FNBP1L: variants seen among roughly 807,000 people sequenced by gnomAD.
FNBP1L encodes formin binding protein 1 like.
Under a neutral mutation model 91.2 loss-of-function variants are expected in FNBP1L, and 36 were observed. The observed-to-expected ratio is 0.39, with a 90% CI of 0.30 to 0.52. FNBP1L has a LOEUF of 0.52. Ranked by LOEUF, FNBP1L falls within the 20% of genes least tolerant of loss-of-function variation. The probability of loss-of-function intolerance (pLI) is 0.66; values close to 1 mark genes in which losing one functional copy is unlikely to be tolerated. For missense variants in FNBP1L, 571 were observed against 732.1 expected, an observed-to-expected ratio of 0.78 and a Z score of 2.54; for synonymous variants, 242 against 237.0, an observed-to-expected ratio of 1.02 and a Z score of -0.19.
At chr1:93,455,841 C>G (rs540356041) in intron 1 of FNBP1L, among the ~76,000 whole-genome samples, 2 of 152,360 alleles carry the variant, frequency 1.3e-5, no homozygotes, top group Non-Finnish European at 2.9e-5. Context: ...ATATTGTCAT[C>G]TGTGCCTTTC....
At position 93,476,589 on chromosome 1, in the gene FNBP1L, G is replaced by A. The variant is rs187457422; in HGVS notation, c.25-22879G>A. Among the ~76,000 whole-genome samples the A allele has an allele frequency of 1.2e-3, 178 of 152,252 alleles. 4 individuals are homozygous for A. Among genetic ancestry groups the A allele is most frequent in the African/African-American group, 4.0e-3 (167 of 41,558 alleles). ...GTAAGTAAGTAAAATTCTGTAAGAT[G>A]ATATCAGCATAAAAACATAACCCAC... On this transcript the variant is annotated intron_variant, in intron 1 of 16. Transcript: ENST00000271234.
chr1:93,501,649 G>A (rs1396158833), intron 2 of FNBP1L, among the ~76,000 whole-genome samples: 2 of 152,014 alleles, frequency 1.3e-5, no homozygotes, highest in African/African-American at 4.8e-5. Flanking sequence ...ATTTCAACAT[G>A]AGTTTTGGTT....
chr1:93,499,538 T>C lies in FNBP1L; in HGVS notation c.95T>C (p.Val32Ala). 6.2e-7 allele frequency: 1 copy of C among 1,604,560 alleles called. No individual in the cohort carries two copies. The part of the protein sequence containing the change: ...IDFLERYAKF[V>A]KERIEIEQNY... Reference sequence around the variant, plus strand: ...TTCTTGGAAAGATATGCCAAATTTGTTAAAGAGAGGATAGAAATTGAACAG... The same window carrying C: ...TTCTTGGAAAGATATGCCAAATTTGCTAAAGAGAGGATAGAAATTGAACAG... Residue 32 changes from valine (V) to alanine (A), a missense_variant, in exon 2 of 17, where the codon GTT (valine) becomes GCT (alanine). Val to Ala is a moderately conservative substitution (Grantham distance 64, BLOSUM62 0). Around this residue, in one of 5 missense-constraint regions of FNBP1L, gnomAD observed 220 missense variants for 313.6 expected, o/e 0.70. Transcript: ENST00000271234.
intron 16 of FNBP1L, chr1:93,551,338 A>G (rs1672408184): frequency 1.7e-6 from 2 of 1,189,312 alleles, no homozygotes; most frequent in Non-Finnish European, 1.0e-6. Flanking sequence ...GTGAAGCTTA[A>G]TTGATGCCTT....
intron 1 of FNBP1L, among the ~76,000 whole-genome samples, chr1:93,497,550 A>C (rs1670306585): frequency 1.3e-5 from 2 of 152,190 alleles, no homozygotes; most frequent in African/African-American, 4.8e-5. Context: ...TTTACCATTA[A>C]GTGTTCAACT....
intron 1 of FNBP1L, among the ~76,000 whole-genome samples, chr1:93,484,033 A>G (rs1041229644): frequency 6.6e-6 from 1 of 152,172 alleles, no homozygotes; most frequent in African/African-American, 2.4e-5. Context: ...GGTTCAAGCA[A>G]TTCTCCTGCC....
intron 7 of FNBP1L, 145 bp downstream of exon 7, chr1:93,531,028 AAAC>A (rs1390726370): frequency 4.5e-6 from 3 of 665,610 alleles, no homozygotes; most frequent in Non-Finnish European, 7.1e-6. Flanking sequence ...ATAGATTTGA[AAAC>A]AAGTGTTTTC....
chr1:93,532,128 G>T (rs369686173), intron 7 of FNBP1L, among the ~76,000 whole-genome samples: 1 of 152,178 alleles, frequency 6.6e-6, no homozygotes, highest in African/African-American at 2.4e-5. Context: ...TGGACTGTTG[G>T]TCCAGCCAAG....
intron 2 of FNBP1L, among the ~76,000 whole-genome samples, chr1:93,518,962 C>G (rs1671225858): frequency 6.6e-6 from 1 of 152,184 alleles, no homozygotes; most frequent in Admixed American, 6.5e-5. Flanking sequence ...TCCCCTTCTT[C>G]CTTTTTGAGT....
At chr1:93,451,204 A>T (rs1221213442) in intron 1 of FNBP1L, among the ~76,000 whole-genome samples, 1 of 152,250 alleles carries the variant, frequency 6.6e-6, no homozygotes, top group Admixed American at 6.5e-5. Flanking sequence ...GCAAGAATGG[A>T]TGGATCAGAT....
intron 6 of FNBP1L, 69 bp from the exon 7 acceptor site, chr1:93,530,686 T>C (rs192670366): frequency 9.8e-5 from 149 of 1,520,466 alleles, no homozygotes; most frequent in Non-Finnish European, 1.3e-4. Context: ...CTAGTTTTAG[T>C]ATAATTTTCA....
chr1:93,505,847 T>C (rs565264676), intron 2 of FNBP1L, among the ~76,000 whole-genome samples: 6 of 152,092 alleles, frequency 3.9e-5, no homozygotes, highest in Non-Finnish European at 8.8e-5. Context: ...CCCAGCTAAT[T>C]TTTGTATTTT....
intron 1 of FNBP1L, among the ~76,000 whole-genome samples, chr1:93,498,635 A>G (rs1268952695): frequency 6.6e-6 from 1 of 152,202 alleles, no homozygotes; most frequent in East Asian, 1.9e-4. Context: ...CAGACTTGAT[A>G]TAAGAGGGGG....
chr1:93,474,612 G>C (rs1669428865), intron 1 of FNBP1L, among the ~76,000 whole-genome samples: 1 of 152,162 alleles, frequency 6.6e-6, no homozygotes, highest in Non-Finnish European at 1.5e-5. Context: ...CTTCTACAGA[G>C]ATTCTGATTT....
Position 93,448,180 on chromosome 1 carries a change from C to T in FNBP1L, c.-102C>T. 1 of 1,455,108 alleles carries T rather than the reference C, an allele frequency of 6.9e-7. No individual in the cohort carries two copies. Among genetic ancestry groups the T allele is most frequent in the Non-Finnish European group, 9.3e-7 (1 of 1,080,880 alleles). The allele number at this position is 1,455,108 out of a possible 1,614,324, so 90.1% of individuals were successfully genotyped here. A position where few individuals can be genotyped will look rare whatever the true frequency, so the allele number is the denominator to read the frequency against. On this transcript the variant is annotated 5_prime_UTR_variant, in exon 1 of 17. Coordinates refer to ENST00000271234, the MANE Select transcript of FNBP1L (RefSeq NM_001164473.3). ...GGCGGCACCTTTCGAGGTAGACCCG[C>T]TGAGCTGCTAGCCCGCCGGCCAGCG... is the stretch of plus-strand genomic sequence containing the variant.
intron 1 of FNBP1L, among the ~76,000 whole-genome samples, chr1:93,455,305 G>A (rs968404350): frequency 3.9e-5 from 6 of 152,184 alleles, no homozygotes; most frequent in African/African-American, 1.4e-4. Context: ...CGATCCTCCT[G>A]CGTCAACCTC....
intron 2 of FNBP1L, among the ~76,000 whole-genome samples, chr1:93,518,716 A>G (rs1031796799): frequency 2.6e-5 from 4 of 152,236 alleles, no homozygotes; most frequent in African/African-American, 7.2e-5. Context: ...ATTGAGGTAT[A>G]ATTCATATGC....
rs756696940 is a variant in FNBP1L, at chr1:93,546,857, A to AG, written c.1290_1291insG (p.Met431AspfsTer6). The AG allele has an allele frequency of 6.2e-7, 1 of 1,612,556 alleles. No individual in the cohort carries two copies. The highest frequency in any genetic ancestry group is 1.1e-5 in the South Asian group (1 of 90,788). On this transcript the variant is annotated frameshift_variant, in exon 13 of 17. Transcript: ENST00000271234. LOFTEE classifies it high-confidence loss of function. Reference sequence around the variant, plus strand: ...TCTTTTTTAGAGATGCACTCAACAAAATGAAAGATGTATATGAGAAGAATC... The same window carrying AG: ...TCTTTTTTAGAGATGCACTCAACAAAGATGAAAGATGTATATGAGAAGAATC...
chr1:93,466,606 C>G (rs561502975), intron 1 of FNBP1L, among the ~76,000 whole-genome samples: 1 of 152,172 alleles, frequency 6.6e-6, no homozygotes, highest in African/African-American at 2.4e-5. Context: ...TTACTGTAGC[C>G]TTGTAGTATA....
Sources: allele counts gnomAD v4.1 joint callset (sites outside exome capture counted in the v4.1 genomes callset), GRCh38; gene constraint gnomAD v4.1.1; regional missense constraint gnomAD v4.1.1; transcripts MANE v1.5; gene names NCBI Gene and HGNC (gene_info 2026-07-23, HGNC 2026-07-21).